The following CCDC192 variants were observed in gnomAD, a reference collection of about 807,000 sequenced individuals.
CCDC192 encodes the protein coiled-coil domain-containing protein 192.
intron 3 of CCDC192, among the ~76,000 whole-genome samples, chr5:127,794,419 C>T (rs1178675378): frequency 6.6e-6 from 1 of 152,072 alleles, no homozygotes; most frequent in Non-Finnish European, 1.5e-5. Context: ...ATAGAATGAA[C>T]CTTCAGGATG....
At chr5:127,858,684 T>A (rs896282819) in intron 5 of CCDC192, among the ~76,000 whole-genome samples, 3 of 152,234 alleles carry the variant, frequency 2.0e-5, no homozygotes, top group African/African-American at 7.2e-5. Flanking sequence ...CATCGCTGCA[T>A]GAGGCATTTA....
intron 2 of CCDC192, among the ~76,000 whole-genome samples, chr5:127,723,934 T>C (rs1580534546): frequency 1.3e-5 from 2 of 152,246 alleles, no homozygotes; most frequent in African/African-American, 4.8e-5. Flanking sequence ...ATTGGTTATT[T>C]TGAAATAAGT....
chr5:127,880,101 G>A (rs1752284758), intron 6 of CCDC192, among the ~76,000 whole-genome samples: 1 of 151,758 alleles, frequency 6.6e-6, no homozygotes, highest in African/African-American at 2.4e-5. Flanking sequence ...CCCATTACTG[G>A]GTATATACCC....
chr5:127,831,727 T>C (rs983011416), intron 5 of CCDC192, among the ~76,000 whole-genome samples: 2 of 152,104 alleles, frequency 1.3e-5, no homozygotes, highest in Non-Finnish European at 2.9e-5. Context: ...TAATTAAAAA[T>C]ACACTTGAAA....
intron 6 of CCDC192, among the ~76,000 whole-genome samples, chr5:127,915,672 C>T (rs114826502): frequency 0.017 from 2,562 of 152,300 alleles, 32 homozygotes; most frequent in South Asian, 0.028. Flanking sequence ...TGAGCCACTG[C>T]GCCCAGCAAT....
intron 6 of CCDC192, among the ~76,000 whole-genome samples, chr5:127,879,781 A>G (rs1752272268): frequency 8.4e-6 from 1 of 119,680 alleles, no homozygotes; most frequent in African/African-American, 3.3e-5. Context: ...GGCGAAGGAC[A>G]TGAACAGACA....
chr5:127,814,740 C>A (rs1758280407), intron 5 of CCDC192, among the ~76,000 whole-genome samples: 1 of 152,116 alleles, frequency 6.6e-6, no homozygotes, highest in Non-Finnish European at 1.5e-5. Context: ...GACTTTCCAG[C>A]AAAGCAATCC....
intron 6 of CCDC192, among the ~76,000 whole-genome samples, chr5:127,899,520 T>C (rs1752982975): frequency 6.9e-6 from 1 of 144,420 alleles, no homozygotes; most frequent in Non-Finnish European, 1.5e-5. Flanking sequence ...ACACAGCCTC[T>C]CAACTGCCAG....
At chr5:127,806,482 C>T (rs1356121) in intron 5 of CCDC192, among the ~76,000 whole-genome samples, 1 of 152,098 alleles carries the variant, frequency 6.6e-6, no homozygotes, top group South Asian at 2.1e-4. Context: ...GGACACAGGG[C>T]GTAGACATTT....
chr5:127,869,916 T>C (rs948110448), intron 5 of CCDC192, among the ~76,000 whole-genome samples: 1 of 152,232 alleles, frequency 6.6e-6, no homozygotes, highest in South Asian at 2.1e-4. Flanking sequence ...GTGTTAGCTT[T>C]GATTTCCAAG....
At chr5:127,783,171 T>G (rs62373511) in intron 3 of CCDC192, among the ~76,000 whole-genome samples, 42,468 of 151,798 alleles carry the variant, frequency 0.28, 6,692 homozygotes, top group South Asian at 0.43. Flanking sequence ...AATTTTTGTA[T>G]TTTTAGTAAA....
intron 3 of CCDC192, among the ~76,000 whole-genome samples, chr5:127,782,626 T>C (rs1756297562): frequency 6.6e-6 from 1 of 152,210 alleles, no homozygotes; most frequent in African/African-American, 2.4e-5. Flanking sequence ...TAGCCTTGAA[T>C]GATCTTTTGT....
At chr5:127,893,787 T>C (rs1398645473) in intron 6 of CCDC192, among the ~76,000 whole-genome samples, 6 of 152,194 alleles carry the variant, frequency 3.9e-5, no homozygotes, top group Non-Finnish European at 7.3e-5. Context: ...ATGTTGCATA[T>C]ATATATACCA....
At chr5:127,785,161 C>A (rs1381938285) in intron 3 of CCDC192, 2 of 526,486 alleles carry the variant, frequency 3.8e-6, no homozygotes, top group Non-Finnish European at 7.7e-6. Context: ...GTTTGTAAAG[C>A]AGTTAGTTAC....
chr5:127,810,415 G>A (rs1758016159), intron 5 of CCDC192, among the ~76,000 whole-genome samples: 1 of 152,180 alleles, frequency 6.6e-6, no homozygotes, highest in South Asian at 2.1e-4. Context: ...CGTGGAAGTG[G>A]TGCATTGGTT....
chr5:127,862,086 G>A (rs1330705287), intron 5 of CCDC192, among the ~76,000 whole-genome samples: 1 of 152,190 alleles, frequency 6.6e-6, no homozygotes, highest in East Asian at 1.9e-4. Context: ...ACTTGGTGCA[G>A]TTTGATACTT....
At chr5:127,939,450 T>C (rs917001012) in intron 6 of CCDC192, among the ~76,000 whole-genome samples, 2 of 152,164 alleles carry the variant, frequency 1.3e-5, no homozygotes, top group Admixed American at 6.5e-5. Flanking sequence ...ATTGTTATAA[T>C]ATTAAACATT....
chr5:127,928,223 G>T (rs539472363), intron 6 of CCDC192, among the ~76,000 whole-genome samples: 1 of 152,276 alleles, frequency 6.6e-6, no homozygotes, highest in African/African-American at 2.4e-5. Flanking sequence ...CCTGGCTGGT[G>T]ATCTTTTATA....
intron 3 of CCDC192, among the ~76,000 whole-genome samples, chr5:127,783,616 G>T (rs1032752194): frequency 6.6e-6 from 1 of 152,142 alleles, no homozygotes; most frequent in African/African-American, 2.4e-5. Flanking sequence ...GTGGAATTTT[G>T]TATATGTATC....
Sources: allele counts gnomAD v4.1 joint callset (sites outside exome capture counted in the v4.1 genomes callset), GRCh38; gene constraint gnomAD v4.1.1; transcripts MANE v1.5; gene names NCBI Gene and HGNC (gene_info 2026-07-23, HGNC 2026-07-21).